Variants in HS6ST2 observed in about 807,000 individuals in gnomAD.
HS6ST2 encodes heparan-sulfate 6-O-sulfotransferase 2.
A neutral mutation model predicts 33.0 loss-of-function variants in HS6ST2; 17 were observed. That is an observed-to-expected ratio of 0.52 (90% CI 0.35 to 0.77). HS6ST2 has a LOEUF of 0.77. Ranked by LOEUF, HS6ST2 falls within the 30% of genes least tolerant of loss-of-function variation. The probability of loss-of-function intolerance (pLI) is 0.01; values close to 1 mark genes in which losing one functional copy is unlikely to be tolerated. For synonymous variants in HS6ST2, 248 were observed against 237.1 expected, an observed-to-expected ratio of 1.05 and a Z score of -0.42; for missense variants, 519 against 551.7, an observed-to-expected ratio of 0.94 and a Z score of 0.59.
intron 2 of HS6ST2, among the ~76,000 whole-genome samples, chrX:132,818,712 A>G (rs2065420287): frequency 8.9e-6 from 1 of 112,207 alleles, no homozygotes; most frequent in Admixed American, 9.4e-5. Context: ...AAGCCAGTCT[A>G]TTTTCTGTAT....
chrX:132,654,063 C>T (rs2063713348), intron 4 of HS6ST2, among the ~76,000 whole-genome samples: 1 of 111,182 alleles, frequency 9.0e-6, no homozygotes, highest in Non-Finnish European at 1.9e-5. Flanking sequence ...CAGCATAGTG[C>T]CTATGGCTAA....
chrX:132,940,826 A>G (rs1217609299), intron 2 of HS6ST2, among the ~76,000 whole-genome samples: 1 of 111,700 alleles, frequency 9.0e-6, no homozygotes, highest in Non-Finnish European at 1.9e-5. Flanking sequence ...CCCCTCTGTT[A>G]ACCAGAAAGT....
chrX:132,765,831 T>C lies in HS6ST2; in HGVS notation c.948-57337A>G, dbSNP rs148744834. Among the ~76,000 whole-genome samples the C allele has an allele frequency of 5.2e-3, 582 of 112,430 alleles. 4 individuals are homozygous for C. Among genetic ancestry groups the C allele is most frequent in the African/African-American group, 0.018 (556 of 30,983 alleles). On this transcript the variant is annotated intron_variant, in intron 2 of 4. Coordinates refer to ENST00000370833, the MANE Select transcript of HS6ST2 (RefSeq NM_001394073.1). The stretch of plus-strand genomic sequence containing the variant: ...CACAATACTAAGTGCTCCACATTTA[T>C]TATCTCATGTAATCATCATAGCAAC...
chrX:132,867,989 C>A (rs1205280813), intron 2 of HS6ST2, among the ~76,000 whole-genome samples: 1 of 111,852 alleles, frequency 8.9e-6, no homozygotes, highest in Non-Finnish European at 1.9e-5. Flanking sequence ...CAAAGACTGG[C>A]AAATTGGATA....
intron 2 of HS6ST2, among the ~76,000 whole-genome samples, chrX:132,917,864 G>A (rs1027622448): frequency 2.7e-5 from 3 of 111,780 alleles, no homozygotes; most frequent in African/African-American, 9.8e-5. Flanking sequence ...GCCTGACCAG[G>A]GACAAATGGG....
At chrX:132,946,388 A>T (rs780206427) in intron 2 of HS6ST2, among the ~76,000 whole-genome samples, 2 of 112,306 alleles carry the variant, frequency 1.8e-5, no homozygotes, top group African/African-American at 6.5e-5. Flanking sequence ...TCATTGATAG[A>T]CTGGACTAAG....
At chrX:132,817,671 T>C (rs1452706950) in intron 2 of HS6ST2, among the ~76,000 whole-genome samples, 1 of 111,915 alleles carries the variant, frequency 8.9e-6, no homozygotes, top group Non-Finnish European at 1.9e-5. Context: ...CATCCCATTA[T>C]GTGTCGGGCA....
In HS6ST2 at chrX:132,677,656, A is replaced by G. The variant is rs368249850; in HGVS notation, c.981-8457T>C. 2.6e-4 allele frequency among the ~76,000 whole-genome samples: 29 copies of G among 112,305 alleles called. No individual in the cohort carries two copies. The East Asian group carries it at 5.9e-3, about 23-fold the overall frequency. On this transcript the variant is annotated intron_variant, in intron 3 of 4. Transcript: ENST00000370833. The stretch of plus-strand genomic sequence containing the variant: ...TTGTTCAAATTATATGTTAACTCAC[A>G]CTTTATGACTAAAAAGTGACAGCCT...
intron 2 of HS6ST2, among the ~76,000 whole-genome samples, chrX:132,863,917 T>C (rs1462659195): frequency 3.6e-5 from 4 of 111,690 alleles, no homozygotes; most frequent in African/African-American, 1.3e-4. Context: ...GCAGCAATCT[T>C]TGCTGTTCTG....
At chrX:132,882,384 G>T (rs1238229690) in intron 2 of HS6ST2, among the ~76,000 whole-genome samples, 1 of 107,832 alleles carries the variant, frequency 9.3e-6, no homozygotes, top group Admixed American at 9.9e-5. Context: ...TCTCTTTGAA[G>T]CAATTGTGAA....
At chrX:132,876,042 A>G (rs980525396) in intron 2 of HS6ST2, among the ~76,000 whole-genome samples, 3 of 111,914 alleles carry the variant, frequency 2.7e-5, no homozygotes, top group African/African-American at 3.3e-5. Context: ...ATGGTCCTAC[A>G]ATGAGAGGCT....
chrX:132,670,399 A>AT (rs2063858720), intron 3 of HS6ST2, among the ~76,000 whole-genome samples: 1 of 111,489 alleles, frequency 9.0e-6, no homozygotes, highest in Non-Finnish European at 1.9e-5. Flanking sequence ...GGAACAAGAG[A>AT]TAATGATGGG....
chrX:132,833,287 A>G (rs187619713), intron 2 of HS6ST2, among the ~76,000 whole-genome samples: 1 of 111,476 alleles, frequency 9.0e-6, no homozygotes, highest in East Asian at 2.8e-4. Context: ...TCCAAGATTC[A>G]TTCATTGGAA....
intron 2 of HS6ST2, among the ~76,000 whole-genome samples, chrX:132,759,207 C>T (rs755712860): frequency 8.9e-6 from 1 of 111,905 alleles, no homozygotes; most frequent in East Asian, 2.8e-4. Flanking sequence ...CCTCCCCTTA[C>T]TCAAAGTTTC....
At chrX:132,891,200 A>G (rs1026228435) in intron 2 of HS6ST2, among the ~76,000 whole-genome samples, 10 of 109,146 alleles carry the variant, frequency 9.2e-5, no homozygotes, top group Non-Finnish European at 1.9e-4. Context: ...AATCTCCCGA[A>G]GCACATTCAA....
chrX:132,924,515 A>T (rs1197372382), intron 2 of HS6ST2, among the ~76,000 whole-genome samples: 1 of 111,626 alleles, frequency 9.0e-6, no homozygotes, highest in Non-Finnish European at 1.9e-5. Context: ...TCCTCCAAAA[A>T]CTGTTGGAAT....
In HS6ST2 at chrX:132,708,497, G is replaced by C; in HGVS notation, c.948-3C>G. On this transcript the variant is annotated splice_polypyrimidine_tract_variant and splice_region_variant and intron_variant, in intron 2 of 4. Transcript: ENST00000370833. ...CTAGAATCTGAAAAATCCTCCACCT[G>C]TTAAAGGAACAGTAAAACCAGTCGC... The C allele has an allele frequency of 8.5e-7, 1 of 1,182,136 alleles. No homozygotes were observed. Among genetic ancestry groups the C allele is most frequent in the Non-Finnish European group, 1.1e-6 (1 of 877,828 alleles).
chrX:132,684,620 G>T (rs764958074), intron 3 of HS6ST2, among the ~76,000 whole-genome samples: 15 of 110,793 alleles, frequency 1.4e-4, no homozygotes, highest in Admixed American at 6.8e-4. Context: ...GCTCCCACTG[G>T]ATCACCTTGT....
intron 2 of HS6ST2, among the ~76,000 whole-genome samples, chrX:132,806,200 A>G (rs887761241): frequency 9.1e-6 from 1 of 110,458 alleles, no homozygotes; most frequent in Non-Finnish European, 1.9e-5. Flanking sequence ...CTGATAGAGG[A>G]AAAGAAAACA....
Sources: allele counts gnomAD v4.1 joint callset (sites outside exome capture counted in the v4.1 genomes callset), GRCh38; gene constraint gnomAD v4.1.1; transcripts MANE v1.5; gene names NCBI Gene and HGNC (gene_info 2026-07-23, HGNC 2026-07-21).